The following AGK variants were observed in gnomAD, a reference collection of about 807,000 sequenced individuals.
AGK encodes the protein acylglycerol kinase.
In AGK, 52 loss-of-function variants were observed where a neutral mutation model predicts 66.4. The observed-to-expected ratio is 0.78, with a 90% confidence interval of 0.63 to 0.99. AGK has a LOEUF of 0.99. AGK is among the 50% of genes least tolerant of loss of function. The probability of loss-of-function intolerance (pLI) is 0.00; values close to 1 mark genes in which losing one functional copy is unlikely to be tolerated. For synonymous variants in AGK, 182 were observed against 181.1 expected, an observed-to-expected ratio of 1.00 and a Z score of -0.04; for missense variants, 451 against 506.6, an observed-to-expected ratio of 0.89 and a Z score of 1.05.
At chr7:141,593,746 C>G in intron 3 of AGK, 1 of 182,012 alleles carries the variant, frequency 5.5e-6, no homozygotes, top group Non-Finnish European at 1.1e-5. Context: ...TTTTTGCCCC[C>G]CCACTGCAAA....
intron 2 of AGK, among the ~76,000 whole-genome samples, chr7:141,566,733 C>T (rs1002997901): frequency 6.6e-6 from 1 of 152,174 alleles, no homozygotes. Flanking sequence ...TGTTCAGCCC[C>T]TCTGACTCTC....
chr7:141,589,586 G>A (rs1796063685), intron 2 of AGK, among the ~76,000 whole-genome samples: 1 of 150,744 alleles, frequency 6.6e-6, no homozygotes, highest in African/African-American at 2.4e-5. Context: ...TTGAGATGGA[G>A]TTTCGCTCTT....
chr7:141,632,091 C>T (rs564104701), intron 9 of AGK, among the ~76,000 whole-genome samples: 5 of 151,984 alleles, frequency 3.3e-5, no homozygotes, highest in South Asian at 4.2e-4. Flanking sequence ...ATTAGCTGGG[C>T]GTGGTGGCGT....
In AGK at chr7:141,630,920, G is replaced by A. The variant is rs187212928; in HGVS notation, c.589-2981G>A. Among the ~76,000 whole-genome samples, 339 of 152,280 alleles carry A rather than the reference G, an allele frequency of 2.2e-3. 1 individual carries two copies. The highest frequency in any genetic ancestry group is 7.8e-3 in the African/African-American group (325 of 41,558). ...GCTAGGGAGGGAATGTAAGTGCTTC[G>A]AGGCAGAGAGTATGTTAGTGTGTTC... is the stretch of plus-strand genomic sequence containing the variant. On this transcript the variant is annotated intron_variant, in intron 9 of 15. Coordinates refer to ENST00000649286, the MANE Select transcript of AGK (RefSeq NM_018238.4).
chr7:141,604,137 T>C lies in AGK; in HGVS notation c.297+2857T>C, dbSNP rs115448540. Among the ~76,000 whole-genome samples, 545 of 151,972 alleles carry C rather than the reference T, an allele frequency of 3.6e-3. 3 individuals are homozygous for C. Among genetic ancestry groups the C allele is most frequent in the African/African-American group, 0.013 (520 of 41,508 alleles). On this transcript the variant is annotated intron_variant, in intron 5 of 15. Transcript: ENST00000649286. ...ATTAAAAAATAAATAGAAATACTAA[T>C]GTTTACTTTTTATGCCTCAGTAGAA...
chr7:141,613,293 A>G (rs1021999855), intron 6 of AGK, among the ~76,000 whole-genome samples: 1 of 152,192 alleles, frequency 6.6e-6, no homozygotes, highest in African/African-American at 2.4e-5. Flanking sequence ...GATTGGAGGG[A>G]AATATATCAA....
chr7:141,587,526 C>CTCCAGCGGT (rs1284530458), intron 2 of AGK, among the ~76,000 whole-genome samples: 2 of 152,176 alleles, frequency 1.3e-5, no homozygotes, highest in Non-Finnish European at 2.9e-5. Context: ...AGCGGGTGGC[C>CTCCAGCGGT]TCCAGCGGTT....
intron 2 of AGK, among the ~76,000 whole-genome samples, chr7:141,562,534 A>C (rs1795372471): frequency 6.6e-6 from 1 of 152,170 alleles, no homozygotes; most frequent in African/African-American, 2.4e-5. Flanking sequence ...CTGTGACCAC[A>C]GTAGGGTATG....
intron 2 of AGK, among the ~76,000 whole-genome samples, chr7:141,576,926 G>C (rs1288878533): frequency 6.6e-6 from 1 of 152,084 alleles, no homozygotes; most frequent in Non-Finnish European, 1.5e-5. Flanking sequence ...TGTAGTCCCA[G>C]CTACTCGGGA....
chr7:141,641,723 T>C, intron 12 of AGK, 88 bp from the exon 13 acceptor site: 1 of 1,085,772 alleles, frequency 9.2e-7, no homozygotes. Context: ...GTTGAGAAGC[T>C]GAGCTGAGCA....
At chr7:141,553,732 T>C (rs1795147779) in intron 1 of AGK, among the ~76,000 whole-genome samples, 1 of 152,122 alleles carries the variant, frequency 6.6e-6, no homozygotes, top group Non-Finnish European at 1.5e-5. Context: ...AGCCTGACGG[T>C]GTATGGGATT....
intron 3 of AGK, among the ~76,000 whole-genome samples, chr7:141,595,886 CTG>C (rs1414456487): frequency 1.3e-5 from 2 of 152,176 alleles, no homozygotes; most frequent in African/African-American, 4.8e-5. Flanking sequence ...TTGATCAACT[CTG>C]TGACTTTCAG....
At chr7:141,615,915 A>G (rs1391291412) in intron 8 of AGK, 1 of 190,730 alleles carries the variant, frequency 5.2e-6, no homozygotes, top group Admixed American at 5.9e-5. Context: ...AGTATATGCA[A>G]TGACAAATAA....
intron 3 of AGK, 64 bp from the exon 4 acceptor site, chr7:141,596,498 A>G: frequency 7.0e-7 from 1 of 1,422,392 alleles, no homozygotes; most frequent in South Asian, 1.2e-5. Flanking sequence ...GGAATGAAAG[A>G]ATACATGTGA....
chr7:141,605,843 T>C (rs1796446268), intron 5 of AGK, among the ~76,000 whole-genome samples: 1 of 152,202 alleles, frequency 6.6e-6, no homozygotes, highest in Admixed American at 6.5e-5. Flanking sequence ...AGGCTTTGTC[T>C]CCCATTTGAC....
At chr7:141,588,610 C>T (rs535708093) in intron 2 of AGK, among the ~76,000 whole-genome samples, 3 of 150,166 alleles carry the variant, frequency 2.0e-5, no homozygotes, top group South Asian at 2.1e-4. Context: ...AGTGATACTT[C>T]GCCTCGGAAA....
intron 3 of AGK, 149 bp from the exon 4 acceptor site, chr7:141,596,413 T>C (rs751679950): frequency 9.7e-6 from 6 of 621,118 alleles, no homozygotes; most frequent in Non-Finnish European, 1.7e-5. Context: ...GATGGTGTTT[T>C]CGTTAATATG....
intron 2 of AGK, among the ~76,000 whole-genome samples, chr7:141,564,145 G>T (rs1221496847): frequency 6.6e-6 from 1 of 152,088 alleles, no homozygotes; most frequent in Non-Finnish European, 1.5e-5. Context: ...TTTTGAATAG[G>T]TTCTCTCTGC....
At chr7:141,576,933 G>A (rs779403813) in intron 2 of AGK, among the ~76,000 whole-genome samples, 5 of 152,128 alleles carry the variant, frequency 3.3e-5, no homozygotes, top group East Asian at 3.9e-4. Flanking sequence ...CCAGCTACTC[G>A]GGAGGCTGAG....
Sources: allele counts gnomAD v4.1 joint callset (sites outside exome capture counted in the v4.1 genomes callset), GRCh38; gene constraint gnomAD v4.1.1; transcripts MANE v1.5; gene names NCBI Gene and HGNC (gene_info 2026-07-23, HGNC 2026-07-21).